Variants in CNTLN observed in about 807,000 individuals in gnomAD.
CNTLN encodes the protein centlein, also known as centlein, centrosomal protein.
Under a neutral mutation model 180.0 loss-of-function variants are expected in CNTLN, and 212 were observed. The ratio of observed to expected loss-of-function variants is 1.18; its 90% CI spans 1.05 to 1.32. The LOEUF is 1.32. CNTLN is among the 40% of genes most tolerant of loss of function. The pLI is 0.00. For missense variants in CNTLN, 2,095 were observed against 1,610.9 expected (o/e 1.30, Z -5.14); for synonymous variants, 722 against 563.1 (o/e 1.28, Z -3.99).
intron 6 of CNTLN, among the ~76,000 whole-genome samples, chr9:17,287,437 A>G (rs1829056648): frequency 6.6e-6 from 1 of 151,106 alleles, no homozygotes; most frequent in East Asian, 1.9e-4. Flanking sequence ...TTTTGCATCA[A>G]TGTTCATCAA....
chr9:17,152,080 T>C (rs1302422725), intron 2 of CNTLN, among the ~76,000 whole-genome samples: 1 of 152,238 alleles, frequency 6.6e-6, no homozygotes, highest in Admixed American at 6.5e-5. Context: ...GCTAGCAGTC[T>C]ATCTGTTTTG....
intron 5 of CNTLN, among the ~76,000 whole-genome samples, chr9:17,267,853 C>G (rs1211141152): frequency 6.6e-6 from 1 of 151,966 alleles, no homozygotes; most frequent in Non-Finnish European, 1.5e-5. Context: ...CTTCTGCAGT[C>G]CACGTAGCTC....
chr9:17,259,152 ATACC>A (rs1826747022), intron 5 of CNTLN, among the ~76,000 whole-genome samples: 1 of 147,872 alleles, frequency 6.8e-6, no homozygotes, highest in African/African-American at 2.6e-5. Context: ...CGTCCCATCA[ATACC>A]TAATTTATTG....
the CNTLN span, among the ~76,000 whole-genome samples, chr9:17,521,050 A>G: frequency 6.6e-6 from 1 of 152,214 alleles, no homozygotes; most frequent in Non-Finnish European, 1.5e-5. Context: ...AAATGAATAA[A>G]TGAGCATTTA....
At chr9:17,144,963 T>G (rs1818352297) in intron 2 of CNTLN, among the ~76,000 whole-genome samples, 1 of 151,158 alleles carries the variant, frequency 6.6e-6, no homozygotes, top group African/African-American at 2.4e-5. Context: ...TGCCTCAGCC[T>G]CCCGAGTAGC....
chr9:17,308,979 T>TACAC (rs1370354187), intron 7 of CNTLN, 79 bp from the exon 8 acceptor site: 30 of 770,806 alleles, frequency 3.9e-5, no homozygotes, highest in African/African-American at 2.7e-4. Context: ...TATGTATATA[T>TACAC]ACACACACAC....
intron 2 of CNTLN, among the ~76,000 whole-genome samples, chr9:17,154,340 T>C (rs1271568952): frequency 2.6e-5 from 4 of 152,232 alleles, no homozygotes; most frequent in Non-Finnish European, 4.4e-5. Context: ...ATGGGGTCTT[T>C]GAGTGGATGT....
intron 2 of CNTLN, among the ~76,000 whole-genome samples, chr9:17,152,177 C>G (rs997043780): frequency 6.6e-6 from 1 of 152,014 alleles, no homozygotes; most frequent in African/African-American, 2.4e-5. Context: ...TTGCTCTGAT[C>G]TTAGTTATTT....
chr9:17,524,526 C>T, the CNTLN span, among the ~76,000 whole-genome samples: 3 of 152,194 alleles, frequency 2.0e-5, no homozygotes, highest in Admixed American at 1.3e-4. Context: ...CATCCAGAAA[C>T]ATTCTCATAG....
chr9:17,404,402 G>C lies in CNTLN; in HGVS notation c.2616-4891G>C, dbSNP rs150750663. 3.3e-3 allele frequency among the ~76,000 whole-genome samples: 497 copies of C among 151,808 alleles called. 17 individuals carry two copies. Among genetic ancestry groups the C allele is most frequent in the African/African-American group, 0.011 (461 of 41,164 alleles). Reference sequence around the variant, plus strand: ...TATGATCTTGGGCTAGGGGATTTGAGAGTCCTGATGCCGAAGGTAGGAAAG... The same window carrying C: ...TATGATCTTGGGCTAGGGGATTTGACAGTCCTGATGCCGAAGGTAGGAAAG... On this transcript the variant is annotated intron_variant, in intron 15 of 25. Transcript: ENST00000380647.
chr9:17,458,302 C>T (rs898514138), intron 19 of CNTLN, among the ~76,000 whole-genome samples: 4 of 151,692 alleles, frequency 2.6e-5, no homozygotes, highest in African/African-American at 9.7e-5. Flanking sequence ...AATAGAATTA[C>T]TTTGTAAGAA....
At chr9:17,372,958 G>A (rs576177255) in intron 13 of CNTLN, among the ~76,000 whole-genome samples, 82 of 152,210 alleles carry the variant, frequency 5.4e-4, no homozygotes, top group Non-Finnish European at 9.1e-4. Context: ...CAAAAAACTG[G>A]TTTCATTGGA....
Position 17,332,607 on chromosome 9 carries a change from A to C in CNTLN, c.1521A>C (p.Glu507Asp), listed in dbSNP as rs770170358. 7.5e-6 allele frequency: 12 copies of C among 1,603,796 alleles called. No individual in the cohort carries two copies. In the South Asian group the frequency reaches 1.2e-4, roughly 17 times the overall value. ...CATGTCCTTGTTTTATTCTCGAGGA[A>C]CCACCTGTGAAACGTTCAAGGTCTT... ...IMTSAEGKHK[E>D]PPVKRSRSLS... Residue 507 changes from glutamate (E) to aspartate (D), a missense_variant and splice_region_variant, in exon 10 of 26, where the codon GAA becomes GAC. Physicochemically the swap from Glu to Asp is conservative, Grantham distance 45. Transcript: ENST00000380647.
intron 21 of CNTLN, 134 bp downstream of exon 21, chr9:17,464,757 C>T: frequency 6.0e-6 from 3 of 503,800 alleles, no homozygotes; most frequent in Non-Finnish European, 6.7e-6. Flanking sequence ...CAAAGTAACA[C>T]TCTTTGCTCT....
chr9:17,250,574 T>G (rs1050925802), intron 5 of CNTLN, among the ~76,000 whole-genome samples: 1 of 152,084 alleles, frequency 6.6e-6, no homozygotes, highest in Non-Finnish European at 1.5e-5. Flanking sequence ...GCAATAAAAT[T>G]TGAATTGATA....
Position 17,298,339 on chromosome 9 carries a change from T to C in CNTLN, c.1133T>C (p.Ile378Thr), listed in dbSNP as rs771016750. ...GAAGATGTTCACACAGCTGAAAGTA[T>C]ATCATATCAAAAAGTATGCTTTTAT... ...NQEDVHTAES[I>T]SYQKLYNELH... is the part of the protein sequence containing the mutation. The change falls in exon 7 of 26, where the codon ATA becomes ACA. Residue 378 changes from isoleucine to threonine, a missense_variant. By Grantham distance (89) the Ile-to-Thr change is moderately conservative. Transcript: ENST00000380647. 2 of 1,610,654 alleles carry C rather than the reference T, an allele frequency of 1.2e-6. No individual in the cohort carries two copies. The highest frequency in any genetic ancestry group is 1.1e-5 in the South Asian group (1 of 90,174).
chr9:17,340,022 T>A (rs1671347984), intron 10 of CNTLN, among the ~76,000 whole-genome samples: 1 of 152,064 alleles, frequency 6.6e-6, no homozygotes, highest in Non-Finnish European at 1.5e-5. Context: ...CTGGGTGTGA[T>A]ACTGTATGCC....
At chr9:17,520,860 C>G in the CNTLN span, among the ~76,000 whole-genome samples, 1 of 152,140 alleles carries the variant, frequency 6.6e-6, no homozygotes, top group Non-Finnish European at 1.5e-5. Context: ...GCCTTGTTGC[C>G]TTGGCGATGG....
intron 5 of CNTLN, among the ~76,000 whole-genome samples, chr9:17,270,756 A>T (rs925863322): frequency 6.6e-6 from 1 of 152,014 alleles, no homozygotes; most frequent in East Asian, 1.9e-4. Context: ...AATTGATTAA[A>T]TGTGTTGATA....
Sources: gnomAD v4.1 joint callset for allele counts (sites outside exome capture counted in the v4.1 genomes callset) on GRCh38, gnomAD v4.1.1 for gene constraint, MANE v1.5 for transcripts, NCBI Gene and HGNC (gene_info 2026-07-23, HGNC 2026-07-21) for gene names.